DISC1: variants seen among roughly 807,000 people sequenced by gnomAD.
DISC1 encodes the protein DISC1 scaffold protein, also known as disrupted in schizophrenia 1 protein.
DISC1 carries 57 observed loss-of-function variants against 84.5 expected under a neutral mutation model. The ratio of observed to expected loss-of-function variants is 0.67; its 90% CI spans 0.55 to 0.84. The LOEUF (loss-of-function observed/expected upper bound fraction) is 0.84, where lower values mean the gene tolerates loss of function less well. DISC1 is among the 40% of genes least tolerant of loss of function. DISC1 has a pLI of 0.00. For synonymous variants in DISC1, 411 were observed against 415.2 expected (o/e 0.99, Z 0.12); for missense variants, 1,000 against 1,057.8 (o/e 0.95, Z 0.76).
Position 231,830,392 on chromosome 1 carries a change from T to C in DISC1, c.1981+11875T>C, listed in dbSNP as rs539505531. Among the ~76,000 whole-genome samples the C allele has an allele frequency of 1.1e-3, 169 of 152,200 alleles. 1 individual carries two copies. Among genetic ancestry groups the C allele is most frequent in the African/African-American group, 4.0e-3 (164 of 41,506 alleles). ...GGAATAAGAGAAGGAGAAAAACAGG[T>C]ATTAAAGGTCTAAGAATTGGGAGGA... On this transcript the variant is annotated intron_variant, in intron 9 of 12. Transcript: ENST00000439617.
At chr1:231,705,867 G>A (rs2067032194) in intron 3 of DISC1, among the ~76,000 whole-genome samples, 1 of 152,086 alleles carries the variant, frequency 6.6e-6, no homozygotes, top group Non-Finnish European at 1.5e-5. Flanking sequence ...GGGTCTGCCG[G>A]AATCTGAGAG....
At chr1:231,785,251 GTGTTA>G (rs1408998038) in intron 6 of DISC1, among the ~76,000 whole-genome samples, 100 of 103,348 alleles carry the variant, frequency 9.7e-4, no homozygotes, top group Admixed American at 1.5e-3. Flanking sequence ...GTGTGTGTGT[GTGTTA>G]TTTTATTTAT....
At chr1:231,976,619 T>C (rs1662847988) in intron 10 of DISC1, among the ~76,000 whole-genome samples, 1 of 152,218 alleles carries the variant, frequency 6.6e-6, no homozygotes, top group Non-Finnish European at 1.5e-5. Context: ...AGCCACTTAC[T>C]TTCCTGGGAT....
chr1:231,942,521 C>T (rs2091410985), intron 9 of DISC1, among the ~76,000 whole-genome samples: 1 of 152,084 alleles, frequency 6.6e-6, no homozygotes, highest in African/African-American at 2.4e-5. Flanking sequence ...AAAAATTAGC[C>T]TGGCGTGGTG....
At chr1:232,020,181 A>C (rs1668833932) in intron 11 of DISC1, among the ~76,000 whole-genome samples, 1 of 151,988 alleles carries the variant, frequency 6.6e-6, no homozygotes, top group South Asian at 2.1e-4. Context: ...GCCTCTACTA[A>C]AAATACAAAA....
At chr1:231,664,588 C>T (rs1257156895) in intron 1 of DISC1, among the ~76,000 whole-genome samples, 2 of 152,120 alleles carry the variant, frequency 1.3e-5, no homozygotes, top group African/African-American at 4.8e-5. Context: ...TTTGAAGATG[C>T]TCAACTGCTT....
At chr1:231,930,269 A>G (rs1200353870) in intron 9 of DISC1, among the ~76,000 whole-genome samples, 1 of 152,120 alleles carries the variant, frequency 6.6e-6, no homozygotes. Context: ...TAGTGGGCTC[A>G]GGGACGCACA....
intron 9 of DISC1, among the ~76,000 whole-genome samples, chr1:231,953,295 A>G (rs1239270823): frequency 6.6e-6 from 1 of 152,154 alleles, no homozygotes; most frequent in African/African-American, 2.4e-5. Context: ...CATGGTTGAT[A>G]TTTCCATTTT....
At chr1:231,707,166 A>T (rs2067191984) in intron 3 of DISC1, among the ~76,000 whole-genome samples, 1 of 152,206 alleles carries the variant, frequency 6.6e-6, no homozygotes, top group Non-Finnish European at 1.5e-5. Context: ...GGCCCATGGA[A>T]CATAAATGCT....
chr1:231,632,728 A>C (rs1572320528), intron 1 of DISC1, among the ~76,000 whole-genome samples: 2 of 152,174 alleles, frequency 1.3e-5, no homozygotes, highest in South Asian at 4.1e-4. Flanking sequence ...AGATACATTA[A>C]ATGAATTGAA....
chr1:232,016,052 T>G (rs1572643404), intron 11 of DISC1, among the ~76,000 whole-genome samples: 1 of 152,134 alleles, frequency 6.6e-6, no homozygotes, highest in Admixed American at 6.5e-5. Flanking sequence ...TCTATCTCTT[T>G]CCAGCAAACT....
intron 1 of DISC1, among the ~76,000 whole-genome samples, chr1:231,656,313 T>G (rs2061061722): frequency 1.3e-5 from 2 of 152,204 alleles, no homozygotes; most frequent in Non-Finnish European, 2.9e-5. Context: ...TGCTATTTAG[T>G]TTTCCCAGCA....
At position 231,701,985 on chromosome 1, in the gene DISC1, C is replaced by T. The variant is rs1368650211; in HGVS notation, c.1078C>T (p.Leu360Phe). ...ATCCTTAAGATTAAAACTTCAGAAACTTCAGGAAGATGCAGTTGAGAATGA... is the reference window on the plus strand; with the variant it reads ...ATCCTTAAGATTAAAACTTCAGAAATTTCAGGAAGATGCAGTTGAGAATGA... ...VISLRLKLQKLQEDAVENDDY... is the reference protein window; with the variant it reads ...VISLRLKLQKFQEDAVENDDY... Residue 360 changes from leucine to phenylalanine, a missense_variant, in exon 3 of 13, where the codon CTT becomes TTT. Transcript: ENST00000439617. 6.2e-7 allele frequency: 1 copy of T among 1,607,110 alleles called. No homozygotes were observed. The highest frequency in any genetic ancestry group is 8.5e-7 in the Non-Finnish European group (1 of 1,176,924).
At chr1:231,829,270 T>G (rs1291886593) in intron 9 of DISC1, among the ~76,000 whole-genome samples, 2 of 152,226 alleles carry the variant, frequency 1.3e-5, no homozygotes, top group Non-Finnish European at 2.9e-5. Flanking sequence ...AAGCATTATT[T>G]TTTAAAAGAT....
chr1:231,759,823 G>A (rs1558493447), intron 4 of DISC1, among the ~76,000 whole-genome samples: 2 of 152,188 alleles, frequency 1.3e-5, no homozygotes, highest in African/African-American at 4.8e-5. Context: ...ACTCCCAGGA[G>A]ACCAACTCCA....
chr1:231,937,576 C>T (rs1415640590), intron 9 of DISC1, among the ~76,000 whole-genome samples: 1 of 152,162 alleles, frequency 6.6e-6, no homozygotes, highest in African/African-American at 2.4e-5. Flanking sequence ...AGGTCCTGGC[C>T]CCCGGCCAGG....
intron 1 of DISC1, among the ~76,000 whole-genome samples, chr1:231,658,903 C>G (rs1403832243): frequency 2.6e-5 from 4 of 152,138 alleles, no homozygotes; most frequent in Non-Finnish European, 4.4e-5. Flanking sequence ...AAGGTTTTTG[C>G]ATTGATGTTC....
intron 10 of DISC1, among the ~76,000 whole-genome samples, chr1:232,007,428 G>A (rs1667599991): frequency 6.6e-6 from 1 of 152,208 alleles, no homozygotes; most frequent in African/African-American, 2.4e-5. Context: ...AGCATGACCT[G>A]GTTCTGAGAC....
intron 11 of DISC1, among the ~76,000 whole-genome samples, chr1:232,016,470 A>G (rs1668500945): frequency 6.6e-6 from 1 of 152,164 alleles, no homozygotes; most frequent in Non-Finnish European, 1.5e-5. Context: ...TTGGATTCAA[A>G]TGGATTATTT....
Sources: gnomAD v4.1 joint callset for allele counts (sites outside exome capture counted in the v4.1 genomes callset) on GRCh38, gnomAD v4.1.1 for gene constraint, MANE v1.5 for transcripts, NCBI Gene and HGNC (gene_info 2026-07-23, HGNC 2026-07-21) for gene names.